The following CEP57L1 variants were observed in gnomAD, a reference collection of about 807,000 sequenced individuals.
CEP57L1 encodes the protein centrosomal protein CEP57L1.
A neutral mutation model predicts 61.0 loss-of-function variants in CEP57L1; 37 were observed. The observed-to-expected ratio is 0.61, with a 90% CI of 0.47 to 0.80. The LOEUF (loss-of-function observed/expected upper bound fraction) is 0.80. CEP57L1 is among the 30% of genes least tolerant of loss of function. CEP57L1 has a pLI of 0.00. For synonymous variants in CEP57L1, 137 were observed against 162.3 expected, an observed-to-expected ratio of 0.84 and a Z score of 1.19; for missense variants, 422 against 524.7, an observed-to-expected ratio of 0.80 and a Z score of 1.91.
rs573907340 is a variant in CEP57L1, at chr6:109,172,371, A to T, written c.*9401A>T. On this transcript the variant is annotated 3_prime_UTR_variant, in exon 11 of 11. Coordinates refer to ENST00000517392, the MANE Select transcript of CEP57L1 (RefSeq NM_001271852.3). Reference sequence around the variant, plus strand: ...TTCAGCCCCTCCAAAGATGGAGCTGATACTACATGGCCTAAGGACTTCACC... The same window carrying T: ...TTCAGCCCCTCCAAAGATGGAGCTGTTACTACATGGCCTAAGGACTTCACC... Among the ~76,000 whole-genome samples, 3 of 152,332 alleles carry T rather than the reference A, an allele frequency of 2.0e-5. No homozygotes were observed. Among genetic ancestry groups the T allele is most frequent in the Admixed American group, 1.3e-4 (2 of 15,300 alleles).
chr6:109,112,281 T>C (rs1771748124), intron 1 of CEP57L1, among the ~76,000 whole-genome samples: 1 of 152,244 alleles, frequency 6.6e-6, no homozygotes, highest in East Asian at 1.9e-4. Flanking sequence ...AATTTATCCA[T>C]GTCTTCTAGA....
intron 2 of CEP57L1, among the ~76,000 whole-genome samples, chr6:109,146,221 T>C (rs1046390481): frequency 6.6e-6 from 1 of 151,868 alleles, no homozygotes; most frequent in South Asian, 2.1e-4. Context: ...TAGAATACTA[T>C]TATCTTTCAG....
At chr6:109,151,193 A>G (rs1772577753) in intron 4 of CEP57L1, among the ~76,000 whole-genome samples, 4 of 152,194 alleles carry the variant, frequency 2.6e-5, no homozygotes, top group Admixed American at 2.0e-4. Flanking sequence ...GTACCAATCA[A>G]TACTGGATAT....
In CEP57L1 at chr6:109,127,152, G is replaced by A. The variant is rs562603353; in HGVS notation, c.-3-18067G>A. Among the ~76,000 whole-genome samples, 23 of 152,192 alleles carry A rather than the reference G, an allele frequency of 1.5e-4. No individual in the cohort carries two copies. In the East Asian group the frequency reaches 4.3e-3, roughly 28 times the overall value. On this transcript the variant is annotated intron_variant, in intron 1 of 10. Transcript: ENST00000517392. ...CTGCACTCCAGCCTGGCGACAGAGCGAAACTCCGTCTCAAACAAAACAAAA... is the reference window on the plus strand; with the variant it reads ...CTGCACTCCAGCCTGGCGACAGAGCAAAACTCCGTCTCAAACAAAACAAAA...
chr6:109,136,398 C>G (rs535881466), intron 1 of CEP57L1, among the ~76,000 whole-genome samples: 2 of 152,162 alleles, frequency 1.3e-5, no homozygotes, highest in Admixed American at 6.5e-5. Context: ...GGGAACATCA[C>G]ACACCGGGGC....
Position 109,160,704 on chromosome 6 carries a change from G to A in CEP57L1, c.1149G>A (p.Lys383=). 1.9e-6 allele frequency: 3 copies of A among 1,592,276 alleles called. No homozygotes were observed. Among genetic ancestry groups the A allele is most frequent in the Non-Finnish European group, 1.7e-6 (2 of 1,173,926 alleles). The change falls in exon 10 of 11, where the codon AAG becomes AAA. Residue 383 remains lysine, a synonymous_variant. Coordinates refer to ENST00000517392, the MANE Select transcript of CEP57L1 (RefSeq NM_001271852.3). ...IKGEQISKLK[K]HQDSVCKLQQ... ...GAGAACAAATCTCCAAACTGAAGAA[G>A]CATCAAGACAGTGTAAGAAGGCTTT...
intron 5 of CEP57L1, 104 bp from the exon 6 acceptor site, chr6:109,155,126 A>T: frequency 1.9e-6 from 1 of 533,650 alleles, no homozygotes. Context: ...TTAATTTGCC[A>T]AACTCTTAAG....
chr6:109,169,713 G>A lies in CEP57L1; in HGVS notation c.*6743G>A, dbSNP rs1030831482. 6.6e-6 allele frequency among the ~76,000 whole-genome samples: 1 copy of A among 152,154 alleles called. No homozygotes were observed. Among genetic ancestry groups the A allele is most frequent in the South Asian group, 2.1e-4 (1 of 4,832 alleles). ...AAGCATGAGTCTTATGATTAAGAAA[G>A]AAATTTGCTCTGTAGGTGCTTCAGA... On this transcript the variant is annotated 3_prime_UTR_variant, in exon 11 of 11. Coordinates refer to ENST00000517392, the MANE Select transcript of CEP57L1 (RefSeq NM_001271852.3).
chr6:109,097,424 A>G (rs886856981), intron 1 of CEP57L1, among the ~76,000 whole-genome samples: 4 of 152,186 alleles, frequency 2.6e-5, no homozygotes, highest in African/African-American at 9.6e-5. Flanking sequence ...AAACTCCTTT[A>G]TAAAGCCTGA....
At chr6:109,142,494 A>G (rs778657839) in intron 1 of CEP57L1, among the ~76,000 whole-genome samples, 1 of 152,164 alleles carries the variant, frequency 6.6e-6, no homozygotes, top group Non-Finnish European at 1.5e-5. Flanking sequence ...GGACGAGTCA[A>G]TAGGTGCAGC....
chr6:109,164,652 T>C lies in CEP57L1; in HGVS notation c.*1682T>C, dbSNP rs758629969. Among the ~76,000 whole-genome samples, 1 of 152,214 alleles carries C rather than the reference T, an allele frequency of 6.6e-6. No individual in the cohort carries two copies. Among genetic ancestry groups the C allele is most frequent in the African/African-American group, 2.4e-5 (1 of 41,456 alleles). On this transcript the variant is annotated 3_prime_UTR_variant, in exon 11 of 11. Coordinates refer to ENST00000517392, the MANE Select transcript of CEP57L1 (RefSeq NM_001271852.3). ...TTTGCTAAACTTTTTAGCTTTCTGC[T>C]ATCCACCAGGACCATAATGCAGACC...
chr6:109,133,373 C>G (rs771429517), intron 1 of CEP57L1, among the ~76,000 whole-genome samples: 1 of 152,074 alleles, frequency 6.6e-6, no homozygotes, highest in South Asian at 2.1e-4. Context: ...GGTTTGCGCT[C>G]CTATGAAAAT....
At chr6:109,126,460 A>G (rs1055351810) in intron 1 of CEP57L1, among the ~76,000 whole-genome samples, 10 of 152,198 alleles carry the variant, frequency 6.6e-5, no homozygotes, top group African/African-American at 2.4e-4. Context: ...TTAACATTTA[A>G]TTACTTTAAT....
chr6:109,102,352 G>T (rs1770410341), intron 1 of CEP57L1, among the ~76,000 whole-genome samples: 1 of 152,100 alleles, frequency 6.6e-6, no homozygotes, highest in Non-Finnish European at 1.5e-5. Context: ...GCACCTCCAC[G>T]CTCAGCTTAC....
chr6:109,109,182 A>G (rs544351803), intron 1 of CEP57L1, among the ~76,000 whole-genome samples: 45 of 152,334 alleles, frequency 3.0e-4, no homozygotes, highest in African/African-American at 1.1e-3. Context: ...GTATATAAAC[A>G]TTATAGACAT....
chr6:109,161,232 A>G (rs1773692368), intron 10 of CEP57L1, among the ~76,000 whole-genome samples: 1 of 152,154 alleles, frequency 6.6e-6, no homozygotes, highest in African/African-American at 2.4e-5. Flanking sequence ...TAGAACAGGG[A>G]TGGTGAAGAA....
chr6:109,135,953 TTA>T (rs1442109331), intron 1 of CEP57L1, among the ~76,000 whole-genome samples: 1 of 152,138 alleles, frequency 6.6e-6, no homozygotes, highest in Admixed American at 6.5e-5. Flanking sequence ...AGAAACACTT[TTA>T]CACTGTTGGT....
At chr6:109,114,746 A>G (rs1772084182) in intron 1 of CEP57L1, among the ~76,000 whole-genome samples, 2 of 152,144 alleles carry the variant, frequency 1.3e-5, no homozygotes, top group African/African-American at 2.4e-5. Flanking sequence ...ATGCTGATCA[A>G]TGGGGTACAA....
chr6:109,124,349 C>T (rs1317991468), intron 1 of CEP57L1, among the ~76,000 whole-genome samples: 1 of 152,282 alleles, frequency 6.6e-6, no homozygotes, highest in East Asian at 1.9e-4. Flanking sequence ...GACTTTCCAG[C>T]TTTAGTAAAT....
Sources: gnomAD v4.1 joint callset for allele counts (sites outside exome capture counted in the v4.1 genomes callset) on GRCh38, gnomAD v4.1.1 for gene constraint, MANE v1.5 for transcripts, NCBI Gene and HGNC (gene_info 2026-07-23, HGNC 2026-07-21) for gene names.